WNT9A: variants seen among roughly 807,000 people sequenced by gnomAD.
WNT9A encodes the protein Wnt family member 9A.
In WNT9A, 8 loss-of-function variants were observed where a neutral mutation model predicts 31.4. That is an observed-to-expected ratio of 0.26 (90% confidence interval 0.15 to 0.46). The LOEUF (loss-of-function observed/expected upper bound fraction) is 0.46. Ranked by LOEUF, WNT9A falls within the 20% of genes least tolerant of loss-of-function variation. WNT9A has a pLI of 0.99. For missense variants in WNT9A, 457 were observed against 522.9 expected, an observed-to-expected ratio of 0.87 and a Z score of 1.23; for synonymous variants, 236 against 220.1, an observed-to-expected ratio of 1.07 and a Z score of -0.64.
intron 2 of WNT9A, among the ~76,000 whole-genome samples, chr1:227,924,673 C>T (rs73106888): frequency 0.033 from 4,960 of 152,260 alleles, 295 homozygotes; most frequent in African/African-American, 0.11. Context: ...ATCAGGGTCT[C>T]GAACCTCCCA....
At chr1:227,935,771 C>T (rs1320954255) in intron 1 of WNT9A, among the ~76,000 whole-genome samples, 2 of 152,266 alleles carry the variant, frequency 1.3e-5, no homozygotes, top group Non-Finnish European at 2.9e-5. Flanking sequence ...CCACATATTC[C>T]CTCTGCTCAT....
chr1:227,940,054 T>C (rs546769441), intron 1 of WNT9A, among the ~76,000 whole-genome samples: 1 of 152,276 alleles, frequency 6.6e-6, no homozygotes, highest in African/African-American at 2.4e-5. Context: ...TCCTCGGGCC[T>C]GAGAGAAACA....
At chr1:227,943,332 G>C (rs1051112907) in intron 1 of WNT9A, among the ~76,000 whole-genome samples, 35 of 152,228 alleles carry the variant, frequency 2.3e-4, no homozygotes, top group African/African-American at 7.7e-4. Context: ...CACAGGTCTA[G>C]AGACAAGGTT....
In WNT9A at chr1:227,920,590, T is replaced by A. The variant is rs1309824068; in HGVS notation, c.*928A>T. The A allele has an allele frequency of 1.3e-5, 2 of 152,142 alleles. No homozygotes were observed. Among genetic ancestry groups the A allele is most frequent in the Non-Finnish European group, 2.9e-5 (2 of 68,014 alleles). 9.4% of individuals were successfully genotyped at this position (152,142 alleles called of 1,614,324 possible). A position where few individuals can be genotyped will look rare whatever the true frequency, so the allele number is the denominator to read the frequency against. ...CCCTGGGAGTGCAGAACAGGCTGCG[T>A]CCTCTTCTAGTGGTTTGAGTCTCTG... On this transcript the variant is annotated 3_prime_UTR_variant, in exon 4 of 4. Coordinates refer to ENST00000272164, the MANE Select transcript of WNT9A (RefSeq NM_003395.4).
intron 1 of WNT9A, among the ~76,000 whole-genome samples, chr1:227,940,477 G>A (rs1197660869): frequency 6.6e-6 from 1 of 152,140 alleles, no homozygotes; most frequent in African/African-American, 2.4e-5. Flanking sequence ...CCCTTCTGGA[G>A]CTCACTCTCC....
Position 227,921,633 on chromosome 1 carries a change from T to A in WNT9A, c.983A>T (p.His328Leu). The change falls in exon 4 of 4, where the codon CAT becomes CTT. Residue 328 changes from histidine (H) to leucine (L), a missense_variant. His to Leu is a moderately conservative substitution (Grantham distance 99). Coordinates refer to ENST00000272164, the MANE Select transcript of WNT9A (RefSeq NM_003395.4). ...NCESICCGRGHNTQSRVVTRP... is the reference protein window; with the variant it reads ...NCESICCGRGLNTQSRVVTRP... Reference sequence around the variant, plus strand: ...TGTCACCACCCGGCTCTGTGTGTTATGGCCGCGGCCACAGCAGATGCTCTC... The same window carrying A: ...TGTCACCACCCGGCTCTGTGTGTTAAGGCCGCGGCCACAGCAGATGCTCTC... 1 of 1,613,386 alleles carries A rather than the reference T, an allele frequency of 6.2e-7. No homozygotes were observed. Among genetic ancestry groups the A allele is most frequent in the South Asian group, 1.1e-5 (1 of 91,086 alleles).
chr1:227,944,371 C>T (rs1474981832), intron 1 of WNT9A, among the ~76,000 whole-genome samples: 3 of 152,246 alleles, frequency 2.0e-5, no homozygotes, highest in Non-Finnish European at 2.9e-5. Flanking sequence ...GGGAGGGGAA[C>T]GGGCAGCGAC....
intron 1 of WNT9A, among the ~76,000 whole-genome samples, chr1:227,934,761 C>G (rs185641277): frequency 6.6e-6 from 1 of 152,156 alleles, no homozygotes; most frequent in South Asian, 2.1e-4. Flanking sequence ...CTTCAGGTCA[C>G]GACGCAGAGC....
chr1:227,947,756 CG>C, intron 1 of WNT9A, 36 bp downstream of exon 1: 1 of 1,056,534 alleles, frequency 9.5e-7, no homozygotes, highest in Non-Finnish European at 1.1e-6. Flanking sequence ...CCGCCGCCCC[CG>C]CCCACCAGTG....
chr1:227,923,697 C>A (rs966490898), intron 3 of WNT9A, among the ~76,000 whole-genome samples: 3 of 152,152 alleles, frequency 2.0e-5, no homozygotes, highest in African/African-American at 4.8e-5. Context: ...GGATCCCCTG[C>A]CCACCATGCC....
At chr1:227,924,891 C>T (rs1375903287) in intron 2 of WNT9A, among the ~76,000 whole-genome samples, 1 of 152,126 alleles carries the variant, frequency 6.6e-6, no homozygotes, top group Non-Finnish European at 1.5e-5. Flanking sequence ...AATAAGGCAT[C>T]AGAGAGCCCT....
At chr1:227,930,961 T>C (rs866092224) in intron 1 of WNT9A, among the ~76,000 whole-genome samples, 31 of 151,152 alleles carry the variant, frequency 2.1e-4, no homozygotes, top group African/African-American at 7.3e-4. Context: ...ATCACGCTAC[T>C]GCACTCTAGC....
At chr1:227,940,850 C>G (rs1666692240) in intron 1 of WNT9A, among the ~76,000 whole-genome samples, 1 of 152,248 alleles carries the variant, frequency 6.6e-6, no homozygotes, top group Admixed American at 6.5e-5. Context: ...CAACAGGCTC[C>G]TGGGAGGGCC....
In WNT9A at chr1:227,922,016, G is replaced by A. The variant is rs760885550; in HGVS notation, c.616-16C>T. On this transcript the variant is annotated splice_polypyrimidine_tract_variant and intron_variant, in intron 3 of 3. Transcript: ENST00000272164. ...CCTTGATCACCTGGCAGAAGGGTGC[G>A]GGAGGGAGGGCAGTGTGAGGGCTGT... 22 of 1,589,078 alleles carry A rather than the reference G, an allele frequency of 1.4e-5. No individual in the cohort carries two copies. The South Asian group carries it at 1.9e-4, about 13-fold the overall frequency.
chr1:227,928,797 C>T lies in WNT9A; in HGVS notation c.96-3278G>A, dbSNP rs1211117661. 6.6e-6 allele frequency among the ~76,000 whole-genome samples: 1 copy of T among 152,236 alleles called. No homozygotes were observed. The highest frequency in any genetic ancestry group is 1.5e-5 in the Non-Finnish European group (1 of 68,030). ...AAGAAGGGAGGAGTGGTTCCCAACA[C>T]AACCTCAGAACAGAGAAGCTTTCTT... On this transcript the variant is annotated intron_variant, in intron 1 of 3. Transcript: ENST00000272164. The surrounding 1 kb of genome is among the most constrained non-coding windows in gnomAD (Gnocchi z 4.5).
chr1:227,923,670 C>T (rs1217128698), intron 3 of WNT9A, among the ~76,000 whole-genome samples: 1 of 152,112 alleles, frequency 6.6e-6, no homozygotes, highest in East Asian at 1.9e-4. Context: ...GGGTTCCGTA[C>T]CCCTAACCCT....
rs1329235533 is a variant in WNT9A, at chr1:227,924,206, G to A, written c.547C>T (p.Leu183=). 3 of 1,578,052 alleles carry A rather than the reference G, an allele frequency of 1.9e-6. No homozygotes were observed. Among genetic ancestry groups the A allele is most frequent in the Non-Finnish European group, 1.7e-6 (2 of 1,157,998 alleles). Residue 183 remains leucine, a synonymous_variant, in exon 3 of 4, where the codon CTG becomes TTG. Transcript: ENST00000272164. ...AGATCCTTGCTTGACCGTCTGCCCA[G>A]GAATTCCTTGACGAACTTGCTGCTG... ...KYSSKFVKEF[L]GRRSSKDLRA...
intron 1 of WNT9A, among the ~76,000 whole-genome samples, chr1:227,944,395 T>C (rs1369849089): frequency 6.6e-6 from 1 of 152,152 alleles, no homozygotes; most frequent in Non-Finnish European, 1.5e-5. Context: ...CTAATGCGTA[T>C]GAGGTTTCTG....
At position 227,924,348 on chromosome 1, in the gene WNT9A, G is replaced by A. The variant is rs147711960; in HGVS notation, c.405C>T (p.His135=). 391 of 1,613,490 alleles carry A rather than the reference G, an allele frequency of 2.4e-4. No homozygotes were observed. The highest frequency in any genetic ancestry group is 3.0e-4 in the Non-Finnish European group (359 of 1,179,874). ...CCGCGCTGCACGCCTTGGCCAGTGCGTGCGTCAGGCCAGCCGAGGAGATGG... is the reference window on the plus strand; with the variant it reads ...CCGCGCTGCACGCCTTGGCCAGTGCATGCGTCAGGCCAGCCGAGGAGATGG... The part of the protein sequence containing the change: ...LYAISSAGLT[H]ALAKACSAGR... The change falls in exon 3 of 4, where the codon CAC becomes CAT. Residue 135 remains histidine (H), a synonymous_variant. Transcript: ENST00000272164.
Sources: gnomAD v4.1 joint callset for allele counts (sites outside exome capture counted in the v4.1 genomes callset) on GRCh38, gnomAD v4.1.1 for gene constraint, Gnocchi (gnomAD v3.1) non-coding constraint, MANE v1.5 for transcripts, NCBI Gene and HGNC (gene_info 2026-07-23, HGNC 2026-07-21) for gene names.